The following TENM4 variants were observed in gnomAD, a reference collection of about 807,000 sequenced individuals.
TENM4 encodes teneurin transmembrane protein 4.
Under a neutral mutation model 243.3 loss-of-function variants are expected in TENM4, and 82 were observed. The observed-to-expected ratio is 0.34, with a 90% CI of 0.28 to 0.40. The LOEUF (loss-of-function observed/expected upper bound fraction) is 0.40, where lower values mean the gene tolerates loss of function less well. TENM4 is among the 10% of genes least tolerant of loss of function. The pLI is 1.00. For synonymous variants in TENM4, 1,412 were observed against 1,456.3 expected, an observed-to-expected ratio of 0.97 and a Z score of 0.69; for missense variants, 3,138 against 3,673.3, an observed-to-expected ratio of 0.85 and a Z score of 3.77.
intron 1 of TENM4, among the ~76,000 whole-genome samples, chr11:79,366,084 T>G (rs1857671047): frequency 6.6e-6 from 1 of 152,206 alleles, no homozygotes; most frequent in Non-Finnish European, 1.5e-5. Context: ...ACCTGTCTAA[T>G]CCTTAAAACA....
At chr11:78,802,196 T>A (rs1041463368) in intron 15 of TENM4, among the ~76,000 whole-genome samples, 4 of 152,224 alleles carry the variant, frequency 2.6e-5, no homozygotes, top group Admixed American at 6.5e-5. Context: ...TAAAACAGCT[T>A]TCACTCAATG....
At chr11:78,790,064 C>T (rs1440736314) in intron 15 of TENM4, among the ~76,000 whole-genome samples, 1 of 152,212 alleles carries the variant, frequency 6.6e-6, no homozygotes, top group Non-Finnish European at 1.5e-5. Flanking sequence ...AATATCCACA[C>T]ATGCCTACTA....
chr11:79,423,884 T>A (rs528733470), intron 1 of TENM4, among the ~76,000 whole-genome samples: 2 of 152,282 alleles, frequency 1.3e-5, no homozygotes, highest in East Asian at 3.9e-4. Context: ...ATCCTTCAAG[T>A]CGACGTCAAA....
At chr11:79,104,343 C>G (rs141506049) in intron 4 of TENM4, among the ~76,000 whole-genome samples, 1 of 152,320 alleles carries the variant, frequency 6.6e-6, no homozygotes, top group African/African-American at 2.4e-5. Flanking sequence ...CTCCCTGTGT[C>G]CTCACTACTC....
chr11:78,969,776 G>A (rs1274176740), intron 6 of TENM4, among the ~76,000 whole-genome samples: 1 of 152,174 alleles, frequency 6.6e-6, no homozygotes, highest in Non-Finnish European at 1.5e-5. Context: ...TGGATTATCG[G>A]AAGAGCTTCC....
At chr11:79,131,303 A>G in intron 4 of TENM4, among the ~76,000 whole-genome samples, 1 of 152,220 alleles carries the variant, frequency 6.6e-6, no homozygotes. Context: ...CCTATAAGGG[A>G]AAATCTATCA....
chr11:78,669,853 G>A lies in TENM4; in HGVS notation c.6492C>T (p.Tyr2164=), dbSNP rs761660985. 1.9e-6 allele frequency: 3 copies of A among 1,613,788 alleles called. No individual in the cohort carries two copies. Among genetic ancestry groups the A allele is most frequent in the Non-Finnish European group, 2.5e-6 (3 of 1,179,798 alleles). The part of the protein sequence containing the change: ...VQYEIFRSLM[Y]WMTVQYDNMG... ...TGTTATCATACTGGACGGTCATCCA[G>A]TACATGAGCGAGCGGAAGATCTCAT... The change falls in exon 32 of 34, where the codon TAC becomes TAT. Residue 2164 remains tyrosine (Y), a synonymous_variant. Coordinates refer to ENST00000278550, the MANE Select transcript of TENM4 (RefSeq NM_001098816.3). This position sits in a 1 kb window ranked among gnomAD's most constrained non-coding sequence, Gnocchi z 6.4.
At chr11:78,795,720 A>G (rs1857148047) in intron 15 of TENM4, among the ~76,000 whole-genome samples, 1 of 152,132 alleles carries the variant, frequency 6.6e-6, no homozygotes, top group African/African-American at 2.4e-5. Flanking sequence ...TTTTTCTCCC[A>G]CAGACCAGAT....
At chr11:79,334,225 G>GTGTC (rs1857110847) in intron 1 of TENM4, among the ~76,000 whole-genome samples, 1 of 152,218 alleles carries the variant, frequency 6.6e-6, no homozygotes, top group African/African-American at 2.4e-5. Flanking sequence ...ATGCCTTACA[G>GTGTC]TGTCGCATAT....
At chr11:79,392,628 G>T (rs975961341) in intron 1 of TENM4, among the ~76,000 whole-genome samples, 1 of 152,194 alleles carries the variant, frequency 6.6e-6, no homozygotes, top group East Asian at 1.9e-4. Context: ...GTCCTGCATC[G>T]CTGTGACACA....
chr11:78,939,573 C>T (rs76785451), intron 6 of TENM4, among the ~76,000 whole-genome samples: 157 of 152,298 alleles, frequency 1.0e-3, no homozygotes, highest in African/African-American at 3.2e-3. Flanking sequence ...ACCAATTCTT[C>T]GCTGCAGCCT....
At chr11:79,401,378 C>T in intron 1 of TENM4, among the ~76,000 whole-genome samples, 1 of 152,208 alleles carries the variant, frequency 6.6e-6, no homozygotes, top group East Asian at 1.9e-4. Flanking sequence ...AGCACACGTG[C>T]TGAGGCTGTC....
At chr11:79,330,252 A>G (rs1054068515) in intron 1 of TENM4, among the ~76,000 whole-genome samples, 2 of 152,218 alleles carry the variant, frequency 1.3e-5, no homozygotes, top group Non-Finnish European at 2.9e-5. Context: ...GGTAGACTTG[A>G]TAAGCCTTGC....
chr11:78,789,315 A>G (rs1857005503), intron 15 of TENM4, among the ~76,000 whole-genome samples: 1 of 152,164 alleles, frequency 6.6e-6, no homozygotes. Flanking sequence ...ACGTGAGGAC[A>G]GGGCTGCGGA....
At chr11:79,423,606 TG>T (rs1858985758) in intron 1 of TENM4, among the ~76,000 whole-genome samples, 1 of 134,898 alleles carries the variant, frequency 7.4e-6, no homozygotes, top group African/African-American at 2.8e-5. Context: ...CTTAACAAGG[TG>T]GGGAAACGGG....
At chr11:78,786,865 G>C (rs1298363051) in intron 16 of TENM4, 33 bp downstream of exon 16, 9 of 1,578,042 alleles carry the variant, frequency 5.7e-6, no homozygotes, top group Non-Finnish European at 7.7e-6. Flanking sequence ...CTGCAGACCA[G>C]AGAAGGTACC....
At position 79,387,537 on chromosome 11, in the gene TENM4, G is replaced by T. The variant is rs548561277; in HGVS notation, c.-321+52972C>A. Among the ~76,000 whole-genome samples, 9 of 152,348 alleles carry T rather than the reference G, an allele frequency of 5.9e-5. No homozygotes were observed. In the South Asian group the frequency reaches 1.9e-3, roughly 32 times the overall value. ...ATAATACCACATATATTGCAAGGTT[G>T]TTGCAGGATGACAGTGGGGGAAGCT... is the stretch of plus-strand genomic sequence containing the variant. On this transcript the variant is annotated intron_variant, in intron 1 of 33. Coordinates refer to ENST00000278550, the MANE Select transcript of TENM4 (RefSeq NM_001098816.3).
At chr11:78,888,950 G>C (rs1212649121) in intron 9 of TENM4, among the ~76,000 whole-genome samples, 1 of 152,224 alleles carries the variant, frequency 6.6e-6, no homozygotes, top group African/African-American at 2.4e-5. Flanking sequence ...GGCAGCAGAT[G>C]CTACACAACA....
chr11:78,663,412 G>C (rs1222273790), intron 32 of TENM4, among the ~76,000 whole-genome samples: 6 of 152,160 alleles, frequency 3.9e-5, no homozygotes, highest in Admixed American at 3.3e-4. Context: ...GCCTAATGGG[G>C]GGAGTTTGGG....
Sources: allele counts gnomAD v4.1 joint callset (sites outside exome capture counted in the v4.1 genomes callset), GRCh38; gene constraint gnomAD v4.1.1; non-coding constraint Gnocchi (gnomAD v3.1); transcripts MANE v1.5; gene names NCBI Gene and HGNC (gene_info 2026-07-23, HGNC 2026-07-21).